IPO8: variants seen among roughly 807,000 people sequenced by gnomAD.
The protein encoded by IPO8 is importin-8.
In IPO8, 65 loss-of-function variants were observed where a neutral mutation model predicts 141.2. That is an observed-to-expected ratio of 0.46 (90% CI 0.38 to 0.57). IPO8 has a LOEUF of 0.57. Among genes scored for constraint, IPO8 ranks in the 20% least tolerant of loss-of-function variants. The probability of loss-of-function intolerance (pLI) is 0.00; values close to 1 mark genes in which losing one functional copy is unlikely to be tolerated. For synonymous variants in IPO8, 411 were observed against 420.3 expected (o/e 0.98, Z 0.27); for missense variants, 980 against 1,246.8 (o/e 0.79, Z 3.22).
chr12:30,650,562 C>T (rs2052712406), intron 19 of IPO8, among the ~76,000 whole-genome samples: 1 of 152,062 alleles, frequency 6.6e-6, no homozygotes, highest in Admixed American at 6.6e-5. Context: ...GCAGCTCTTC[C>T]ACTTATTAGC....
chr12:30,637,123 G>A lies in IPO8; in HGVS notation c.2554C>T (p.Pro852Ser), dbSNP rs752808351. 2 of 1,613,886 alleles carry A rather than the reference G, an allele frequency of 1.2e-6. No individual in the cohort carries two copies. Among genetic ancestry groups the A allele is most frequent in the South Asian group, 2.2e-5 (2 of 91,080 alleles). ...SILLELQNRP[P>S]AVDAVVGQIV... ...TGTCCCACCACAGCATCTACTGCAG[G>A]AGGTCGATTTTGCAATTCCAAAAGG... Residue 852 changes from proline (P) to serine (S), a missense_variant, in exon 22 of 25, where the codon CCT (proline) becomes TCT (serine). Physicochemically the swap from Pro to Ser is moderately conservative, Grantham distance 74 (BLOSUM62 -1). This residue lies in a region of IPO8 where 924 missense variants were observed against 1,153.9 expected (regional missense o/e 0.80). Transcript: ENST00000256079.
rs930828489 is a variant in IPO8, at chr12:30,676,572, G to C, written c.655C>G (p.Gln219Glu). Residue 219 changes from glutamine to glutamate, a missense_variant, in exon 6 of 25, where the codon CAG becomes GAG. Gln to Glu is a conservative substitution (Grantham distance 29, BLOSUM62 2). Coordinates refer to ENST00000256079, the MANE Select transcript of IPO8 (RefSeq NM_006390.4). ...YALVQYALPL[Q>E]LVNNQTMTTW... ...GTCATGGTTTGGTTATTCACTAGCT[G>C]AAGAGGCAATGCATACTGGAAAAGA... 1.9e-6 allele frequency: 3 copies of C among 1,611,098 alleles called. No individual in the cohort carries two copies. Among genetic ancestry groups the C allele is most frequent in the Non-Finnish European group, 2.5e-6 (3 of 1,177,460 alleles).
At chr12:30,658,339 C>T (rs2052829697) in intron 16 of IPO8, among the ~76,000 whole-genome samples, 1 of 152,162 alleles carries the variant, frequency 6.6e-6, no homozygotes, top group African/African-American at 2.4e-5. Context: ...AGTTAAAGCT[C>T]AAAATCTTGG....
intron 20 of IPO8, 136 bp from the exon 21 acceptor site, chr12:30,639,871 G>A: frequency 1.6e-6 from 1 of 639,400 alleles, no homozygotes; most frequent in Non-Finnish European, 2.7e-6. Flanking sequence ...TCATTTTAGA[G>A]GTATTTAAAA....
At position 30,630,653 on chromosome 12, in the gene IPO8, T is replaced by C; in HGVS notation, c.*207A>G. 1 of 517,964 alleles carries C rather than the reference T, an allele frequency of 1.9e-6. No homozygotes were observed. Among genetic ancestry groups the C allele is most frequent in the Non-Finnish European group, 3.4e-6 (1 of 295,340 alleles). The allele number at this position is 517,964 out of a possible 1,614,324, so 32.1% of individuals were successfully genotyped here. The stretch of plus-strand genomic sequence containing the variant: ...CAATGATTGTTTTTCTTTCATTTCA[T>C]ACTTACAGTAGCTGTTTAAAATATA... On this transcript the variant is annotated 3_prime_UTR_variant, in exon 25 of 25. Transcript: ENST00000256079.
chr12:30,661,115 T>C, intron 16 of IPO8, 26 bp downstream of exon 16: 2 of 1,317,708 alleles, frequency 1.5e-6, no homozygotes, highest in Non-Finnish European at 1.9e-6. Flanking sequence ...GCTACTATTA[T>C]ATCATAAACC....
At chr12:30,673,127 T>C (rs931165983) in intron 8 of IPO8, among the ~76,000 whole-genome samples, 9 of 152,006 alleles carry the variant, frequency 5.9e-5, no homozygotes, top group African/African-American at 2.2e-4. Context: ...GGTGTGGTGA[T>C]GTGTGCCTTT....
At chr12:30,656,626 T>C (rs1235346666) in intron 17 of IPO8, 58 bp downstream of exon 17, 4 of 982,486 alleles carry the variant, frequency 4.1e-6, no homozygotes, top group Non-Finnish European at 4.6e-6. Flanking sequence ...AATTATACTT[T>C]GAGTTCAAAT....
chr12:30,669,600 C>T (rs185471823), intron 9 of IPO8, among the ~76,000 whole-genome samples: 28 of 151,914 alleles, frequency 1.8e-4, no homozygotes, highest in Non-Finnish European at 1.5e-5. Context: ...CAAGACCAGC[C>T]TGGGCACTGT....
intron 16 of IPO8, among the ~76,000 whole-genome samples, chr12:30,660,082 G>A (rs2052864406): frequency 6.6e-6 from 1 of 151,940 alleles, no homozygotes; most frequent in African/African-American, 2.4e-5. Context: ...AATTAGCTGG[G>A]TGTGATGGTA....
intron 15 of IPO8, among the ~76,000 whole-genome samples, chr12:30,661,550 T>C (rs1460033948): frequency 1.4e-5 from 2 of 142,482 alleles, no homozygotes; most frequent in African/African-American, 2.6e-5. Flanking sequence ...AATCAAGTAA[T>C]AGTAAAAAGA....
At chr12:30,648,986 C>T in intron 20 of IPO8, 151 bp downstream of exon 20, 1 of 501,798 alleles carries the variant, frequency 2.0e-6, no homozygotes, top group East Asian at 3.2e-5. Flanking sequence ...AACTACCTGG[C>T]TCTTTTTGTC....
intron 20 of IPO8, 38 bp from the exon 21 acceptor site, chr12:30,639,773 G>T: frequency 6.7e-7 from 1 of 1,491,762 alleles, no homozygotes; most frequent in Non-Finnish European, 9.3e-7. Flanking sequence ...CACACAGACA[G>T]CCCAAGTAAC....
At chr12:30,666,295 T>C in intron 10 of IPO8, 44 bp from the exon 11 acceptor site, 1 of 1,374,372 alleles carries the variant, frequency 7.3e-7, no homozygotes, top group South Asian at 1.3e-5. Context: ...AAAATATAAT[T>C]ACTTATTCTA....
chr12:30,680,780 A>G (rs1408436432), intron 4 of IPO8, 142 bp from the exon 5 acceptor site: 2 of 628,468 alleles, frequency 3.2e-6, no homozygotes, highest in Non-Finnish European at 5.2e-6. Flanking sequence ...TTGAATTGCT[A>G]GAATTAAGTT....
chr12:30,670,865 T>A (rs2053036895), intron 9 of IPO8, 97 bp downstream of exon 9: 1 of 932,798 alleles, frequency 1.1e-6, no homozygotes, highest in Non-Finnish European at 1.6e-6. Flanking sequence ...AATGTATATA[T>A]ATAAAATGTA....
At chr12:30,679,770 CACG>C (rs2053165403) in intron 5 of IPO8, among the ~76,000 whole-genome samples, 1 of 152,176 alleles carries the variant, frequency 6.6e-6, no homozygotes, top group Admixed American at 6.5e-5. Context: ...ATCCTCTTCT[CACG>C]ACAAATTCAA....
At chr12:30,659,507 A>C (rs1250882883) in intron 16 of IPO8, among the ~76,000 whole-genome samples, 9 of 145,496 alleles carry the variant, frequency 6.2e-5, no homozygotes, top group East Asian at 4.0e-4. Flanking sequence ...AAATAAACAA[A>C]AAAAAAAAAA....
chr12:30,633,858 G>T (rs1216758054), intron 23 of IPO8, among the ~76,000 whole-genome samples: 1 of 152,128 alleles, frequency 6.6e-6, no homozygotes, highest in Non-Finnish European at 1.5e-5. Context: ...GGCTCACCCT[G>T]CTACTTCTCA....
Sources: gnomAD v4.1 joint callset for allele counts (sites outside exome capture counted in the v4.1 genomes callset) on GRCh38, gnomAD v4.1.1 for gene constraint, gnomAD v4.1.1 regional missense constraint, MANE v1.5 for transcripts, NCBI Gene and HGNC (gene_info 2026-07-23, HGNC 2026-07-21) for gene names.